BAZ1A: variants seen among roughly 807,000 people sequenced by gnomAD.
BAZ1A encodes bromodomain adjacent to zinc finger domain 1A, also known as bromodomain adjacent to zinc finger domain protein 1A.
Under a neutral mutation model 185.2 loss-of-function variants are expected in BAZ1A, and 50 were observed. The observed-to-expected ratio is 0.27, with a 90% CI of 0.22 to 0.34. The LOEUF (loss-of-function observed/expected upper bound fraction) is 0.34, where lower values mean the gene tolerates loss of function less well. BAZ1A is among the 10% of genes least tolerant of loss of function. BAZ1A has a pLI of 1.00. For missense variants in BAZ1A, 1,356 were observed against 1,839.9 expected, an observed-to-expected ratio of 0.74 and a Z score of 4.81; for synonymous variants, 571 against 615.6, an observed-to-expected ratio of 0.93 and a Z score of 1.07.
chr14:34,812,081 CAAA>C (rs1205054077), intron 4 of BAZ1A, among the ~76,000 whole-genome samples: 2 of 152,022 alleles, frequency 1.3e-5, no homozygotes, highest in African/African-American at 4.8e-5. Context: ...TACAGGCAAA[CAAA>C]AACACATACA....
At position 34,794,768 on chromosome 14, in the gene BAZ1A, A is replaced by G. The variant is rs754834605; in HGVS notation, c.1344T>C (p.Phe448=). 13 of 1,613,902 alleles carry G rather than the reference A, an allele frequency of 8.1e-6. No individual in the cohort carries two copies. The part of the protein sequence containing the change: ...FGELFDLQDE[F]PDGVTLEVLE... ...ACTTGCCTAGGGTTACTCCATCAGG[A>G]AACTCATCTTGAAGATCAAAAAGTT... Residue 448 remains phenylalanine (F), a synonymous_variant, in exon 11 of 27, where the codon TTT becomes TTC. Transcript: ENST00000360310.
intron 14 of BAZ1A, 98 bp from the exon 15 acceptor site, chr14:34,784,025 A>G (rs1310419271): frequency 1.8e-6 from 2 of 1,101,382 alleles, no homozygotes; most frequent in Non-Finnish European, 2.5e-6. Flanking sequence ...AATGCCTAAT[A>G]AAGAATATGG....
chr14:34,797,067 C>G (rs955358462), intron 9 of BAZ1A, among the ~76,000 whole-genome samples: 1 of 152,116 alleles, frequency 6.6e-6, no homozygotes, highest in Non-Finnish European at 1.5e-5. Flanking sequence ...AATTTGAACA[C>G]AGCAGTATTA....
rs373081694 is a variant in BAZ1A, at chr14:34,829,124, G to A, written c.393-2968C>T. Reference sequence around the variant, plus strand: ...CTACTAAAAATACAAAAATTAGCTGGGTGTAGTGGCATGCACCTCTAATCC... The same window carrying A: ...CTACTAAAAATACAAAAATTAGCTGAGTGTAGTGGCATGCACCTCTAATCC... On this transcript the variant is annotated intron_variant, in intron 3 of 26. Transcript: ENST00000360310. Among the ~76,000 whole-genome samples, 4 of 152,170 alleles carry A rather than the reference G, an allele frequency of 2.6e-5. No individual in the cohort carries two copies. The South Asian group carries it at 6.2e-4, about 24-fold the overall frequency.
At chr14:34,803,805 C>T (rs1566571249) in intron 6 of BAZ1A, among the ~76,000 whole-genome samples, 2 of 152,094 alleles carry the variant, frequency 1.3e-5, no homozygotes, top group South Asian at 2.1e-4. Context: ...TATCAAATTT[C>T]CCATTACATC....
intron 2 of BAZ1A, among the ~76,000 whole-genome samples, chr14:34,864,424 T>A (rs1221678277): frequency 1.3e-5 from 2 of 152,122 alleles, no homozygotes; most frequent in African/African-American, 4.8e-5. Context: ...ATTAGAGGCA[T>A]GAGCCACCGC....
chr14:34,861,220 A>G (rs2042764143), intron 3 of BAZ1A, among the ~76,000 whole-genome samples: 2 of 152,210 alleles, frequency 1.3e-5, no homozygotes, highest in South Asian at 4.1e-4. Context: ...AAGAGGCTAC[A>G]AGAGGTTTTA....
chr14:34,781,527 C>CT lies in BAZ1A; in HGVS notation c.2112-1218dup, dbSNP rs35183747. Among the ~76,000 whole-genome samples the CT allele has an allele frequency of 1.1e-3, 151 of 141,552 alleles. 1 individual carries two copies. The highest frequency in any genetic ancestry group is 2.2e-3 in the African/African-American group (87 of 38,820). 92.9% of individuals were successfully genotyped at this position (141,552 alleles called of 152,430 possible). A position where few individuals can be genotyped will look rare whatever the true frequency, so the allele number is the denominator to read the frequency against. The stretch of plus-strand genomic sequence containing the variant: ...ACATGTGATCTTTTGTCACTAGCTG[C>CT]TTTTTTTTTTTTTTTGAGACAGAAT... On this transcript the variant is annotated intron_variant, in intron 16 of 26. Coordinates refer to ENST00000360310, the MANE Select transcript of BAZ1A (RefSeq NM_013448.3).
chr14:34,795,972 GATCAAAATAATACCT>G (rs553299678), intron 9 of BAZ1A, among the ~76,000 whole-genome samples: 7 of 151,998 alleles, frequency 4.6e-5, no homozygotes, highest in Non-Finnish European at 1.0e-4. Flanking sequence ...TAGAACCACT[GATCAAAATAATACCT>G]ATCAAAATAA....
chr14:34,757,045 T>C (rs560955499), intron 25 of BAZ1A, among the ~76,000 whole-genome samples: 81 of 152,316 alleles, frequency 5.3e-4, no homozygotes, highest in African/African-American at 1.9e-3. Context: ...ATTGAGGTCA[T>C]TGTAACACAC....
At chr14:34,829,372 CTGAG>C (rs2042207638) in intron 3 of BAZ1A, among the ~76,000 whole-genome samples, 1 of 151,038 alleles carries the variant, frequency 6.6e-6, no homozygotes. Flanking sequence ...GCTTGGGTGA[CTGAG>C]TGAGACTATC....
At chr14:34,813,721 A>C (rs1049036952) in intron 4 of BAZ1A, among the ~76,000 whole-genome samples, 4 of 151,316 alleles carry the variant, frequency 2.6e-5, no homozygotes, top group Non-Finnish European at 5.9e-5. Context: ...TAAAAAACAA[A>C]CGAAGCAACG....
At chr14:34,824,403 C>CAAAAAA (rs2042133433) in intron 4 of BAZ1A, among the ~76,000 whole-genome samples, 1 of 25,374 alleles carries the variant, frequency 3.9e-5, no homozygotes, top group Non-Finnish European at 8.0e-5. Context: ...AAAAAAGCAG[C>CAAAAAA]AACTCAAAAA....
chr14:34,757,607 G>C (rs1441336177), intron 25 of BAZ1A, among the ~76,000 whole-genome samples: 2 of 151,968 alleles, frequency 1.3e-5, no homozygotes, highest in Non-Finnish European at 2.9e-5. Context: ...GGAGGTTGCG[G>C]TGAGCCAAGA....
intron 5 of BAZ1A, among the ~76,000 whole-genome samples, chr14:34,810,233 G>A (rs1225992467): frequency 6.6e-6 from 1 of 152,130 alleles, no homozygotes; most frequent in Non-Finnish European, 1.5e-5. Context: ...ATATCATCTT[G>A]CTTTCAGATG....
chr14:34,851,763 C>A (rs998048931), intron 3 of BAZ1A, among the ~76,000 whole-genome samples: 5 of 150,840 alleles, frequency 3.3e-5, no homozygotes, highest in Admixed American at 2.6e-4. Flanking sequence ...GCCATCTGGG[C>A]AACATAGTGA....
At chr14:34,795,521 C>T (rs961422055) in intron 10 of BAZ1A, 149 bp downstream of exon 10, 3 of 506,678 alleles carry the variant, frequency 5.9e-6, no homozygotes, top group Admixed American at 8.0e-5. Flanking sequence ...CCTTGGAATT[C>T]TAAGTGTGAA....
In BAZ1A at chr14:34,783,594, T is replaced by C. The variant is rs370330551; in HGVS notation, c.1997+168A>G. On this transcript the variant is annotated intron_variant, in intron 15 of 26. Transcript: ENST00000360310. The stretch of plus-strand genomic sequence containing the variant: ...CAAGTAATCCACCCTCCCAAAGTGC[T>C]GGGATTGCAGGCGTGAGCCACCACA... Among the ~76,000 whole-genome samples, 9 of 152,152 alleles carry C rather than the reference T, an allele frequency of 5.9e-5. 1 individual carries two copies. The highest frequency in any genetic ancestry group is 3.9e-4 in the Admixed American group (6 of 15,272).
At chr14:34,778,052 T>C (rs1335352442) in intron 17 of BAZ1A, among the ~76,000 whole-genome samples, 1 of 152,204 alleles carries the variant, frequency 6.6e-6, no homozygotes, top group Non-Finnish European at 1.5e-5. Flanking sequence ...TGTTATTTAC[T>C]AACCACTGGT....
Sources: gnomAD v4.1 joint callset for allele counts (sites outside exome capture counted in the v4.1 genomes callset) on GRCh38, gnomAD v4.1.1 for gene constraint, MANE v1.5 for transcripts, NCBI Gene and HGNC (gene_info 2026-07-23, HGNC 2026-07-21) for gene names.